The following UST variants were observed in gnomAD, a reference collection of about 807,000 sequenced individuals.
The protein encoded by UST is uronyl 2-sulfotransferase, also known as chondroitin sulfate 2-O-sulfotransferase.
In UST, 21 loss-of-function variants were observed where a neutral mutation model predicts 45.6. That is an observed-to-expected ratio of 0.46 (90% CI 0.33 to 0.66). The LOEUF (loss-of-function observed/expected upper bound fraction) is 0.66. UST is among the 30% of genes least tolerant of loss of function. UST has a pLI of 0.02. For synonymous variants in UST, 215 were observed against 200.6 expected (o/e 1.07, Z -0.61); for missense variants, 463 against 512.4 (o/e 0.90, Z 0.93).
At chr6:148,990,396 G>A (rs996468255) in intron 5 of UST, 7 of 985,288 alleles carry the variant, frequency 7.1e-6, no homozygotes, top group East Asian at 1.1e-4. Flanking sequence ...AACCTATGAA[G>A]AGCGAGAAGC....
In UST at chr6:148,928,019, G is replaced by C. The variant is rs1779849569; in HGVS notation, c.292-13260G>C. ...TCCCCAGTGAAGGCCTGGAGGGGAG[G>C]TATTTGTGTCACTGGTGGAGGATGA... On this transcript the variant is annotated intron_variant, in intron 2 of 7. Coordinates refer to ENST00000367463, the MANE Select transcript of UST (RefSeq NM_005715.3). 3.3e-5 allele frequency among the ~76,000 whole-genome samples: 5 copies of C among 152,322 alleles called. No individual in the cohort carries two copies. The South Asian group carries it at 1.0e-3, about 32-fold the overall frequency.
chr6:148,845,970 GA>G (rs1777979373), intron 1 of UST, among the ~76,000 whole-genome samples: 1 of 138,180 alleles, frequency 7.2e-6, no homozygotes, highest in South Asian at 2.5e-4. Flanking sequence ...AGGATGTGGA[GA>G]AATAGGAACA....
rs936690089 is a variant in UST, at chr6:148,748,500, G to A, written c.247+823G>A. On this transcript the variant is annotated intron_variant, in intron 1 of 7. Transcript: ENST00000367463. The surrounding 1 kb of genome is among the most constrained non-coding windows in gnomAD (Gnocchi z 5.3). The stretch of plus-strand genomic sequence containing the variant: ...CTGTCTTTAGCAGAAGTAAGGAAGG[G>A]GTTTGACGGGAGGGAAAGAGCCGCT... Among the ~76,000 whole-genome samples the A allele has an allele frequency of 2.6e-5, 4 of 151,598 alleles. No individual in the cohort carries two copies. Among genetic ancestry groups the A allele is most frequent in the African/African-American group, 9.7e-5 (4 of 41,248 alleles).
intron 1 of UST, among the ~76,000 whole-genome samples, chr6:148,792,479 C>A (rs1422140256): frequency 6.6e-6 from 1 of 152,112 alleles, no homozygotes; most frequent in African/African-American, 2.4e-5. Flanking sequence ...GAGATCAAGA[C>A]AACTTTGAAA....
At chr6:148,865,270 C>G (rs1161448204) in intron 1 of UST, among the ~76,000 whole-genome samples, 1 of 152,176 alleles carries the variant, frequency 6.6e-6, no homozygotes, top group Non-Finnish European at 1.5e-5. Flanking sequence ...GGAAAAGAAG[C>G]TCAAAATGGT....
intron 1 of UST, among the ~76,000 whole-genome samples, chr6:148,788,167 A>G (rs1776769405): frequency 6.6e-6 from 1 of 152,184 alleles, no homozygotes; most frequent in Non-Finnish European, 1.5e-5. Context: ...TTATCAAACC[A>G]TCAGATCTTG....
intron 1 of UST, among the ~76,000 whole-genome samples, chr6:148,863,386 T>C (rs1381190425): frequency 2.0e-5 from 3 of 152,228 alleles, no homozygotes; most frequent in Admixed American, 2.0e-4. Context: ...TTTATTCTAG[T>C]TAGCCATTTG....
chr6:148,972,015 G>A (rs974459651), intron 5 of UST, among the ~76,000 whole-genome samples: 1 of 152,204 alleles, frequency 6.6e-6, no homozygotes, highest in African/African-American at 2.4e-5. Flanking sequence ...TCCAGGTGGG[G>A]TCAGGGGCAG....
At chr6:149,038,813 G>A (rs1776271564) in intron 7 of UST, among the ~76,000 whole-genome samples, 1 of 152,046 alleles carries the variant, frequency 6.6e-6, no homozygotes, top group Non-Finnish European at 1.5e-5. Context: ...GAAAGGAATT[G>A]GGGGGAAAAA....
rs374598458 is a variant in UST at position 148,918,338 on chromosome 6, A to C, written c.292-22941A>C. On this transcript the variant is annotated intron_variant, in intron 2 of 7. Coordinates refer to ENST00000367463, the MANE Select transcript of UST (RefSeq NM_005715.3). The stretch of plus-strand genomic sequence containing the variant: ...AAGAAGCATTTTTATCCGGTCTTAC[A>C]TACGTAATCAAAATTAATCGCTTTT... 1.6e-4 allele frequency among the ~76,000 whole-genome samples: 25 copies of C among 152,224 alleles called. 4 individuals are homozygous for C. The highest frequency in any genetic ancestry group is 1.4e-3 in the Admixed American group (21 of 15,282).
chr6:148,905,516 A>G (rs567586712), intron 2 of UST, among the ~76,000 whole-genome samples: 6 of 152,356 alleles, frequency 3.9e-5, no homozygotes, highest in African/African-American at 1.4e-4. Context: ...CCCTGGGGTG[A>G]GACCTAGACT....
At chr6:149,022,607 A>C (rs961867153) in intron 7 of UST, among the ~76,000 whole-genome samples, 1 of 152,048 alleles carries the variant, frequency 6.6e-6, no homozygotes, top group Non-Finnish European at 1.5e-5. Flanking sequence ...TCTCAAAAAA[A>C]AGAAAGAAAG....
chr6:148,890,268 C>T (rs1050515993), intron 2 of UST, among the ~76,000 whole-genome samples: 16 of 152,186 alleles, frequency 1.1e-4, no homozygotes, highest in African/African-American at 3.6e-4. Context: ...TGAGGTCAGA[C>T]TTCCGGATAA....
intron 3 of UST, among the ~76,000 whole-genome samples, chr6:148,943,214 C>T (rs1269739250): frequency 6.6e-6 from 1 of 152,172 alleles, no homozygotes; most frequent in Non-Finnish European, 1.5e-5. Flanking sequence ...TGGGATTACA[C>T]TTAAATATAA....
intron 5 of UST, among the ~76,000 whole-genome samples, chr6:148,989,831 A>C (rs1367233370): frequency 1.4e-4 from 22 of 152,238 alleles, no homozygotes; most frequent in Non-Finnish European, 4.4e-5. Context: ...GAAGTTACCA[A>C]TTCACATGGT....
At chr6:148,931,818 A>G (rs1049035329) in intron 2 of UST, among the ~76,000 whole-genome samples, 1 of 152,218 alleles carries the variant, frequency 6.6e-6, no homozygotes, top group African/African-American at 2.4e-5. Flanking sequence ...TTTTGATCAT[A>G]AAAGCCATAG....
At chr6:148,812,047 G>A (rs1176782540) in intron 1 of UST, among the ~76,000 whole-genome samples, 1 of 152,120 alleles carries the variant, frequency 6.6e-6, no homozygotes, top group Non-Finnish European at 1.5e-5. Flanking sequence ...TTTGCAATTT[G>A]TATTTGCAGA....
intron 7 of UST, among the ~76,000 whole-genome samples, chr6:149,058,816 G>A (rs967078357): frequency 2.0e-5 from 3 of 152,072 alleles, no homozygotes; most frequent in African/African-American, 7.2e-5. Flanking sequence ...TTCAATTGTT[G>A]TTGTGAAAAT....
intron 1 of UST, among the ~76,000 whole-genome samples, chr6:148,760,094 A>T (rs1051899752): frequency 6.6e-6 from 1 of 152,232 alleles, no homozygotes; most frequent in Non-Finnish European, 1.5e-5. Context: ...CAAGGCAAGT[A>T]GAATACACAA....
Sources: gnomAD v4.1 joint callset for allele counts (sites outside exome capture counted in the v4.1 genomes callset) on GRCh38, gnomAD v4.1.1 for gene constraint, Gnocchi (gnomAD v3.1) non-coding constraint, MANE v1.5 for transcripts, NCBI Gene and HGNC (gene_info 2026-07-23, HGNC 2026-07-21) for gene names.